LTBP1: variants seen among roughly 807,000 people sequenced by gnomAD.
LTBP1 encodes latent-transforming growth factor beta-binding protein 1.
A neutral mutation model predicts 207.6 loss-of-function variants in LTBP1; 129 were observed. The ratio of observed to expected loss-of-function variants is 0.62; its 90% CI spans 0.54 to 0.72. The LOEUF is 0.72. Among genes scored for constraint, LTBP1 ranks in the 30% least tolerant of loss-of-function variants. LTBP1 has a pLI of 0.00. For missense variants in LTBP1, 2,281 were observed against 2,217.2 expected, an observed-to-expected ratio of 1.03 and a Z score of -0.58; for synonymous variants, 963 against 833.7, an observed-to-expected ratio of 1.16 and a Z score of -2.67.
chr2:33,242,544 C>CAGA (rs2092365064), intron 9 of LTBP1, among the ~76,000 whole-genome samples: 1 of 151,662 alleles, frequency 6.6e-6, no homozygotes, highest in African/African-American at 2.4e-5. Context: ...CTTTCTTCCT[C>CAGA]AGAACTCCTT....
chr2:33,192,499 T>C (rs2088011454), intron 7 of LTBP1, among the ~76,000 whole-genome samples: 1 of 151,460 alleles, frequency 6.6e-6, no homozygotes, highest in South Asian at 2.1e-4. Context: ...ATTGACAACG[T>C]AGGGCATTGT....
intron 5 of LTBP1, among the ~76,000 whole-genome samples, chr2:33,165,733 G>A (rs1227041501): frequency 2.0e-5 from 3 of 152,130 alleles, no homozygotes; most frequent in Non-Finnish European, 4.4e-5. Context: ...TTTAGCAGAC[G>A]GAGTCTCTTT....
intron 3 of LTBP1, among the ~76,000 whole-genome samples, chr2:33,100,443 G>T (rs2079654274): frequency 6.6e-6 from 1 of 151,810 alleles, no homozygotes; most frequent in Admixed American, 6.6e-5. Context: ...AAGAAACCCA[G>T]CTTCTTTTTC....
At chr2:33,274,338 C>CT (rs71912114) in intron 16 of LTBP1, among the ~76,000 whole-genome samples, 62,695 of 146,760 alleles carry the variant, frequency 0.43, 13,544 homozygotes, top group African/African-American at 0.47. Flanking sequence ...TTTAATTTCT[C>CT]TTTTTTTTTT....
chr2:33,242,748 G>A (rs777094210), intron 9 of LTBP1, among the ~76,000 whole-genome samples: 4 of 150,716 alleles, frequency 2.7e-5, no homozygotes, highest in Non-Finnish European at 5.9e-5. Context: ...ACTGTCACCA[G>A]CCTGGCTGTT....
Position 33,188,566 on chromosome 2 carries a change from A to G in LTBP1, c.1427-11A>G, listed in dbSNP as rs778156581. 1.4e-5 allele frequency: 23 copies of G among 1,601,952 alleles called. No individual in the cohort carries two copies. The highest frequency in any genetic ancestry group is 1.9e-5 in the Non-Finnish European group (22 of 1,173,970). On this transcript the variant is annotated splice_polypyrimidine_tract_variant and intron_variant, in intron 6 of 33. Coordinates refer to ENST00000404816, the MANE Select transcript of LTBP1 (RefSeq NM_206943.4). ...TCAGGACTAACAAGTTTTCCTCCCA[A>G]TCTGTTGTAGTGAAATTTCCTCCTA... is the stretch of plus-strand genomic sequence containing the variant.
Position 32,999,523 on chromosome 2 carries a change from G to T in LTBP1, c.566-21386G>T, listed in dbSNP as rs924380899. Among the ~76,000 whole-genome samples the T allele has an allele frequency of 8.2e-5, 11 of 133,494 alleles. 1 individual carries two copies. Among genetic ancestry groups the T allele is most frequent in the African/African-American group, 2.9e-4 (11 of 38,224 alleles). 87.6% of individuals were successfully genotyped at this position (133,494 alleles called of 152,430 possible). A position where few individuals can be genotyped will look rare whatever the true frequency, so the allele number is the denominator to read the frequency against. The stretch of plus-strand genomic sequence containing the variant: ...CACTGCTTTCTCCTTCCTCCTCTCT[G>T]CTCTTCCACCATCCCAGAATGTGAC... On this transcript the variant is annotated intron_variant, in intron 2 of 33. Coordinates refer to ENST00000404816, the MANE Select transcript of LTBP1 (RefSeq NM_206943.4).
intron 2 of LTBP1, among the ~76,000 whole-genome samples, chr2:32,961,555 C>A (rs187892035): frequency 0.026 from 2,301 of 87,768 alleles, 25 homozygotes; most frequent in Admixed American, 0.037. Context: ...TTTGTTCATC[C>A]CCCCCACCTC....
intron 2 of LTBP1, among the ~76,000 whole-genome samples, chr2:32,997,812 C>T (rs1434960904): frequency 6.6e-6 from 1 of 152,164 alleles, no homozygotes; most frequent in Non-Finnish European, 1.5e-5. Flanking sequence ...GTGGAGAACA[C>T]AAACATTTCG....
chr2:32,978,194 G>A (rs1023663117), intron 2 of LTBP1, among the ~76,000 whole-genome samples: 9 of 151,784 alleles, frequency 5.9e-5, no homozygotes, highest in African/African-American at 1.7e-4. Flanking sequence ...TTTTCAATTC[G>A]GATGCCCTTT....
At chr2:33,254,819 T>G in intron 11 of LTBP1, among the ~76,000 whole-genome samples, 1 of 102,702 alleles carries the variant, frequency 9.7e-6, no homozygotes. Flanking sequence ...CATTGTTCAA[T>G]TCCCACCTAT....
intron 15 of LTBP1, 36 bp downstream of exon 15, chr2:33,263,428 A>T: frequency 2.0e-6 from 3 of 1,470,500 alleles, no homozygotes; most frequent in Non-Finnish European, 2.9e-6. Context: ...TATCACATGG[A>T]GGAGACGTGG....
chr2:33,055,823 G>C (rs1285754015), intron 3 of LTBP1, among the ~76,000 whole-genome samples: 1 of 152,204 alleles, frequency 6.6e-6, no homozygotes, highest in African/African-American at 2.4e-5. Context: ...CCTACAGCTT[G>C]AAGGGGACAT....
At chr2:33,331,248 A>AT (rs1283578267) in intron 24 of LTBP1, among the ~76,000 whole-genome samples, 1 of 151,038 alleles carries the variant, frequency 6.6e-6, no homozygotes, top group African/African-American at 2.4e-5. Flanking sequence ...TTTTTTCTAT[A>AT]TTTTTTATAT....
At chr2:33,049,174 GT>G (rs1390107682) in intron 3 of LTBP1, among the ~76,000 whole-genome samples, 1 of 152,124 alleles carries the variant, frequency 6.6e-6, no homozygotes, top group African/African-American at 2.4e-5. Context: ...TGCGTTACAT[GT>G]TAACTCATAT....
At chr2:33,004,817 A>G (rs1034627485) in intron 2 of LTBP1, among the ~76,000 whole-genome samples, 1 of 146,482 alleles carries the variant, frequency 6.8e-6, no homozygotes, top group Admixed American at 6.9e-5. Context: ...ATATATATAA[A>G]CATAAAATTT....
chr2:33,303,585 C>T (rs968084682), intron 22 of LTBP1, among the ~76,000 whole-genome samples: 23 of 152,010 alleles, frequency 1.5e-4, no homozygotes, highest in Non-Finnish European at 2.6e-4. Flanking sequence ...CTCCTGACCT[C>T]GTGATCCGCC....
At chr2:32,992,232 G>A (rs1684527544) in intron 2 of LTBP1, among the ~76,000 whole-genome samples, 1 of 152,154 alleles carries the variant, frequency 6.6e-6, no homozygotes, top group Admixed American at 6.5e-5. Context: ...CATTGGAAAA[G>A]CACACAGATT....
At chr2:32,988,826 A>G (rs1383877868) in intron 2 of LTBP1, among the ~76,000 whole-genome samples, 1 of 152,230 alleles carries the variant, frequency 6.6e-6, no homozygotes, top group Non-Finnish European at 1.5e-5. Flanking sequence ...CTTGATAGGA[A>G]TGTAATTATC....
Sources: allele counts gnomAD v4.1 joint callset (sites outside exome capture counted in the v4.1 genomes callset), GRCh38; gene constraint gnomAD v4.1.1; transcripts MANE v1.5; gene names NCBI Gene and HGNC (gene_info 2026-07-23, HGNC 2026-07-21).